ETV6: variants seen among roughly 807,000 people sequenced by gnomAD.
The protein encoded by ETV6 is transcription factor ETV6.
In ETV6, 16 loss-of-function variants were observed where a neutral mutation model predicts 51.1. That is an observed-to-expected ratio of 0.31 (90% CI 0.21 to 0.48). The LOEUF (loss-of-function observed/expected upper bound fraction) is 0.48, where lower values mean the gene tolerates loss of function less well. Ranked by LOEUF, ETV6 falls within the 20% of genes least tolerant of loss-of-function variation. ETV6 has a pLI of 0.99. For synonymous variants in ETV6, 240 were observed against 224.1 expected (o/e 1.07, Z -0.64); for missense variants, 458 against 594.8 (o/e 0.77, Z 2.39).
intron 1 of ETV6, among the ~76,000 whole-genome samples, chr12:11,670,007 A>C (rs1324560716): frequency 2.0e-5 from 3 of 150,796 alleles, no homozygotes; most frequent in East Asian, 3.8e-4. Flanking sequence ...CCCCAATCAC[A>C]TTCCTTCCCA....
In ETV6 at chr12:11,650,290, G is replaced by A. The variant is rs1159502277; in HGVS notation, c.33+130G>A. 2.7e-5 allele frequency: 21 copies of A among 791,652 alleles called. No homozygotes were observed. In the South Asian group the frequency reaches 3.0e-4, roughly 11 times the overall value. 49.0% of individuals were successfully genotyped at this position (791,652 alleles called of 1,614,324 possible). A position where few individuals can be genotyped will look rare whatever the true frequency, so the allele number is the denominator to read the frequency against. On this transcript the variant is annotated intron_variant, in intron 1 of 7. Transcript: ENST00000396373. ...CGCAGGAAATTATTTGGGGCGAGAG[G>A]GAAAGAGATGCAGCTCGCGGTGGCT...
At chr12:11,746,811 T>TTTG (rs1271593903) in intron 1 of ETV6, among the ~76,000 whole-genome samples, 2 of 96,262 alleles carry the variant, frequency 2.1e-5, no homozygotes, top group Admixed American at 2.4e-4. Context: ...TTTTTTTTTT[T>TTTG]TTAATCTCAC....
chr12:11,821,542 A>G (rs1037032286), intron 2 of ETV6, among the ~76,000 whole-genome samples: 1 of 151,900 alleles, frequency 6.6e-6, no homozygotes, highest in African/African-American at 2.4e-5. Context: ...TTAAGCATCA[A>G]AATGGAGATG....
intron 1 of ETV6, among the ~76,000 whole-genome samples, chr12:11,683,716 A>G (rs1267797468): frequency 6.6e-6 from 1 of 152,178 alleles, no homozygotes; most frequent in Non-Finnish European, 1.5e-5. Context: ...GCAAACTTTG[A>G]GCCTGAGTGT....
At chr12:11,845,307 A>G (rs935577454) in intron 3 of ETV6, among the ~76,000 whole-genome samples, 28 of 152,252 alleles carry the variant, frequency 1.8e-4, no homozygotes, top group African/African-American at 6.8e-4. Context: ...ATGACGCTAA[A>G]CATTGGTTAT....
In ETV6 at chr12:11,894,800, ATGGAATTAGGCTCAGGATCCAGCC is replaced by A. The variant is rs764596113; in HGVS notation, c.*3758_*3781del. 23 of 233,356 alleles carry A rather than the reference ATGGAATTAGGCTCAGGATCCAGCC, an allele frequency of 9.9e-5. No homozygotes were observed. Among genetic ancestry groups the A allele is most frequent in the Non-Finnish European group, 1.7e-4 (20 of 118,004 alleles). 14.5% of individuals were successfully genotyped at this position (233,356 alleles called of 1,614,324 possible). On this transcript the variant is annotated 3_prime_UTR_variant, in exon 8 of 8. Transcript: ENST00000396373. ...CCTAGGAGCAGACAGCATGCCAAGA[ATGGAATTAGGCTCAGGATCCAGCC>A]TGGGCTCACCCTGTGTGGCTCATTC...
intron 1 of ETV6, among the ~76,000 whole-genome samples, chr12:11,671,087 C>T (rs1215782494): frequency 6.6e-6 from 1 of 152,154 alleles, no homozygotes; most frequent in African/African-American, 2.4e-5. Context: ...CTCCTCTCCC[C>T]TGCTCTCATC....
In ETV6 at chr12:11,835,968, A is replaced by G. The variant is rs1017487728; in HGVS notation, c.164-3172A>G. Among the ~76,000 whole-genome samples the G allele has an allele frequency of 1.3e-5, 2 of 152,334 alleles. 1 individual carries two copies. The highest frequency in any genetic ancestry group is 6.8e-3 in the Middle Eastern group (2 of 294). Reference sequence around the variant, plus strand: ...CAGTTTCCTAATCTGAATCCCTATCATAGGGTTGTGTGAGCATGCAGTTGA... The same window carrying G: ...CAGTTTCCTAATCTGAATCCCTATCGTAGGGTTGTGTGAGCATGCAGTTGA... On this transcript the variant is annotated intron_variant, in intron 2 of 7. Coordinates refer to ENST00000396373, the MANE Select transcript of ETV6 (RefSeq NM_001987.5).
intron 1 of ETV6, among the ~76,000 whole-genome samples, chr12:11,699,774 G>A (rs938105368): frequency 6.6e-6 from 1 of 151,958 alleles, no homozygotes; most frequent in Admixed American, 6.6e-5. Context: ...GTAAAATGTA[G>A]GAAGGTCCTC....
At chr12:11,789,075 C>G (rs144855395) in intron 2 of ETV6, among the ~76,000 whole-genome samples, 1 of 152,088 alleles carries the variant, frequency 6.6e-6, no homozygotes, top group African/African-American at 2.4e-5. Context: ...CATTGTCGCC[C>G]GGACTGGAGT....
intron 1 of ETV6, among the ~76,000 whole-genome samples, chr12:11,729,454 G>A (rs1865554386): frequency 6.6e-6 from 1 of 152,132 alleles, no homozygotes; most frequent in South Asian, 2.1e-4. Context: ...GTAGATTTGA[G>A]TTCATGTCTC....
chr12:11,713,290 C>T (rs1865206718), intron 1 of ETV6, among the ~76,000 whole-genome samples: 1 of 152,180 alleles, frequency 6.6e-6, no homozygotes, highest in Non-Finnish European at 1.5e-5. Flanking sequence ...ATTGCCTTTG[C>T]TTTCAAATGT....
chr12:11,728,873 C>T (rs1297219688), intron 1 of ETV6, among the ~76,000 whole-genome samples: 5 of 152,122 alleles, frequency 3.3e-5, no homozygotes, highest in African/African-American at 4.8e-5. Context: ...ACCAGTTACC[C>T]GTATCTGACT....
intron 1 of ETV6, among the ~76,000 whole-genome samples, chr12:11,666,079 G>A (rs907751585): frequency 6.6e-6 from 1 of 152,180 alleles, no homozygotes; most frequent in African/African-American, 2.4e-5. Context: ...GGCCATAGCT[G>A]GCTGTGGTAT....
intron 3 of ETV6, among the ~76,000 whole-genome samples, chr12:11,849,138 G>A (rs1946509160): frequency 1.3e-5 from 2 of 148,216 alleles, no homozygotes; most frequent in African/African-American, 4.9e-5. Context: ...TTTGAAACAA[G>A]GTCTCACTCT....
intron 7 of ETV6, among the ~76,000 whole-genome samples, chr12:11,888,657 C>T (rs1303333895): frequency 6.6e-6 from 1 of 152,132 alleles, no homozygotes; most frequent in African/African-American, 2.4e-5. Flanking sequence ...CCCACCTTGG[C>T]CTCCCAAAGT....
intron 5 of ETV6, among the ~76,000 whole-genome samples, chr12:11,877,042 C>T (rs1946996997): frequency 6.6e-6 from 1 of 152,224 alleles, no homozygotes; most frequent in Admixed American, 6.5e-5. Flanking sequence ...GCTTATTTGT[C>T]ACCCAACTAA....
intron 1 of ETV6, among the ~76,000 whole-genome samples, chr12:11,672,486 T>G (rs1015222794): frequency 6.6e-6 from 1 of 152,132 alleles, no homozygotes; most frequent in Non-Finnish European, 1.5e-5. Flanking sequence ...CCTCCTAACT[T>G]CGTTAACACA....
intron 1 of ETV6, among the ~76,000 whole-genome samples, chr12:11,730,327 T>G (rs1193490100): frequency 6.6e-6 from 1 of 152,162 alleles, no homozygotes; most frequent in Non-Finnish European, 1.5e-5. Context: ...TAGAGGTGTC[T>G]GGAAAGAAAG....
Sources: allele counts gnomAD v4.1 joint callset (sites outside exome capture counted in the v4.1 genomes callset), GRCh38; gene constraint gnomAD v4.1.1; transcripts MANE v1.5; gene names NCBI Gene and HGNC (gene_info 2026-07-23, HGNC 2026-07-21).